The following HDAC9 variants were observed in gnomAD, a reference collection of about 807,000 sequenced individuals.
HDAC9 encodes the protein MEF-2 interacting transcription repressor (MITR) protein.
A neutral mutation model predicts 139.4 loss-of-function variants in HDAC9; 41 were observed. The observed-to-expected ratio is 0.29, with a 90% CI of 0.23 to 0.38. HDAC9 has a LOEUF of 0.38. Ranked by LOEUF, HDAC9 falls within the 10% of genes least tolerant of loss-of-function variation. The pLI, the probability that HDAC9 is intolerant of heterozygous loss-of-function variation, is 1.00. For missense variants in HDAC9, 1,147 were observed against 1,297.0 expected (o/e 0.88, Z 1.78); for synonymous variants, 517 against 476.2 (o/e 1.09, Z -1.12).
chr7:18,726,820 T>G (rs1785589400), intron 12 of HDAC9, among the ~76,000 whole-genome samples: 1 of 152,024 alleles, frequency 6.6e-6, no homozygotes, highest in Admixed American at 6.6e-5. Flanking sequence ...TTAAATAAGC[T>G]GCCTATCTGT....
chr7:18,365,885 G>A (rs1052555176), intron 1 of HDAC9, among the ~76,000 whole-genome samples: 38 of 151,374 alleles, frequency 2.5e-4, no homozygotes, highest in Non-Finnish European at 7.4e-5. Context: ...AAGATTAAAT[G>A]AATGTAACAT....
chr7:18,714,044 A>G (rs1784531251), intron 12 of HDAC9, among the ~76,000 whole-genome samples: 2 of 152,194 alleles, frequency 1.3e-5, no homozygotes, highest in African/African-American at 2.4e-5. Flanking sequence ...TAAACCACTT[A>G]TTCTGGAAGA....
intron 11 of HDAC9, among the ~76,000 whole-genome samples, chr7:18,659,859 A>AAC (rs1201634301): frequency 6.6e-6 from 1 of 152,138 alleles, no homozygotes; most frequent in Admixed American, 6.6e-5. Flanking sequence ...CCAACAAGGC[A>AAC]ACAGCTCGAC....
chr7:18,430,245 A>G (rs1306220898), intron 1 of HDAC9, among the ~76,000 whole-genome samples: 1 of 152,106 alleles, frequency 6.6e-6, no homozygotes, highest in Non-Finnish European at 1.5e-5. Context: ...TTTTTTGGCG[A>G]TGGTGTCTTG....
chr7:18,568,026 G>GTGTATATATATATATATATA (rs1384273199), intron 2 of HDAC9, among the ~76,000 whole-genome samples: 2,501 of 126,580 alleles, frequency 0.02, 103 homozygotes, highest in Admixed American at 0.024. Flanking sequence ...ATATGTATAT[G>GTGTATATATATATATATATA]TATATATATA....
At chr7:18,729,600 G>A (rs1318230758) in intron 13 of HDAC9, among the ~76,000 whole-genome samples, 1 of 152,150 alleles carries the variant, frequency 6.6e-6, no homozygotes, top group Non-Finnish European at 1.5e-5. Flanking sequence ...AGGGTAGACT[G>A]TAAACCCAGC....
At chr7:18,357,539 G>C (rs945173846) in intron 1 of HDAC9, among the ~76,000 whole-genome samples, 7 of 151,360 alleles carry the variant, frequency 4.6e-5, no homozygotes, top group Admixed American at 2.0e-4. Flanking sequence ...ATAGGAGACA[G>C]ACAAAACAGT....
At chr7:18,795,739 G>A (rs188300206) in intron 17 of HDAC9, among the ~76,000 whole-genome samples, 5 of 152,172 alleles carry the variant, frequency 3.3e-5, no homozygotes, top group Admixed American at 6.5e-5. Flanking sequence ...AAATGATTTG[G>A]AGCCATAGTA....
intron 2 of HDAC9, among the ~76,000 whole-genome samples, chr7:18,547,024 T>G (rs1182191929): frequency 1.3e-5 from 2 of 152,094 alleles, no homozygotes; most frequent in East Asian, 1.9e-4. Flanking sequence ...ATAAAAGTTA[T>G]GTTTACTCTA....
chr7:18,101,522 C>G (rs1454132004), intron 1 of HDAC9, among the ~76,000 whole-genome samples: 1 of 152,206 alleles, frequency 6.6e-6, no homozygotes, highest in Non-Finnish European at 1.5e-5. Flanking sequence ...TTCCTTTTCT[C>G]TTCCATGTAA....
chr7:18,640,951 G>A (rs1053385553), intron 8 of HDAC9, among the ~76,000 whole-genome samples: 1 of 152,008 alleles, frequency 6.6e-6, no homozygotes, highest in Non-Finnish European at 1.5e-5. Context: ...ACTGGGTCAT[G>A]GTATACAGAA....
intron 22 of HDAC9, among the ~76,000 whole-genome samples, chr7:18,895,831 C>T (rs1186525878): frequency 1.3e-5 from 2 of 151,874 alleles, no homozygotes; most frequent in African/African-American, 2.4e-5. Flanking sequence ...CAAGAGTTTC[C>T]TGTTTAGAGA....
chr7:18,366,550 T>C (rs1233345022), intron 1 of HDAC9, among the ~76,000 whole-genome samples: 1 of 152,116 alleles, frequency 6.6e-6, no homozygotes, highest in East Asian at 1.9e-4. Context: ...AACTTTTATA[T>C]GGATACACTA....
chr7:18,180,410 T>C (rs1789327950), intron 2 of HDAC9, among the ~76,000 whole-genome samples: 2 of 152,004 alleles, frequency 1.3e-5, no homozygotes, highest in African/African-American at 4.8e-5. Context: ...ATTTTCTTTT[T>C]TCTTTTTTTT....
intron 2 of HDAC9, among the ~76,000 whole-genome samples, chr7:18,170,927 G>A (rs1278926106): frequency 2.6e-5 from 4 of 152,030 alleles, no homozygotes; most frequent in South Asian, 4.1e-4. Flanking sequence ...TTGGCAATGC[G>A]GGCTCTTTTT....
intron 2 of HDAC9, among the ~76,000 whole-genome samples, chr7:18,189,820 AAAG>A (rs1321542805): frequency 6.6e-6 from 1 of 152,224 alleles, no homozygotes; most frequent in Non-Finnish European, 1.5e-5. Context: ...TGAATCCTCC[AAAG>A]AAGTGTTTTT....
intron 22 of HDAC9, among the ~76,000 whole-genome samples, chr7:18,884,770 G>A (rs1800001867): frequency 6.6e-6 from 1 of 152,074 alleles, no homozygotes. Context: ...AACATGAAGG[G>A]AGGCAGGAAA....
At chr7:18,945,265 C>G (rs1485429723) in intron 23 of HDAC9, among the ~76,000 whole-genome samples, 1 of 152,162 alleles carries the variant, frequency 6.6e-6, no homozygotes, top group East Asian at 1.9e-4. Flanking sequence ...TTTTGATTTG[C>G]CCAGACGCTA....
intron 1 of HDAC9, among the ~76,000 whole-genome samples, chr7:18,139,749 A>G (rs7811480): frequency 0.013 from 2,038 of 152,298 alleles, 48 homozygotes; most frequent in African/African-American, 0.046. Flanking sequence ...TGGGCCCTAA[A>G]TGCAGTCACA....
Sources: allele counts gnomAD v4.1 joint callset (sites outside exome capture counted in the v4.1 genomes callset), GRCh38; gene constraint gnomAD v4.1.1; transcripts MANE v1.5; gene names NCBI Gene and HGNC (gene_info 2026-07-23, HGNC 2026-07-21).